NRG3: variants seen among roughly 807,000 people sequenced by gnomAD.
NRG3 encodes neuregulin 3.
In NRG3, 31 loss-of-function variants were observed where a neutral mutation model predicts 66.9. The ratio of observed to expected loss-of-function variants is 0.46; its 90% CI spans 0.35 to 0.63. The LOEUF (loss-of-function observed/expected upper bound fraction) is 0.63. Ranked by LOEUF, NRG3 falls within the 20% of genes least tolerant of loss-of-function variation. NRG3 has a pLI of 0.00. For missense variants in NRG3, 910 were observed against 878.9 expected (o/e 1.04, Z -0.45); for synonymous variants, 393 against 359.4 (o/e 1.09, Z -1.06).
intron 1 of NRG3, among the ~76,000 whole-genome samples, chr10:82,139,386 A>G (rs1395480338): frequency 1.3e-5 from 2 of 152,150 alleles, no homozygotes; most frequent in East Asian, 3.9e-4. Context: ...ATGCTTCAGT[A>G]TATTTGTGCT....
At chr10:82,151,040 A>C (rs982209196) in intron 1 of NRG3, among the ~76,000 whole-genome samples, 2 of 152,214 alleles carry the variant, frequency 1.3e-5, no homozygotes, top group Non-Finnish European at 2.9e-5. Context: ...CCTTGTGCAA[A>C]ATCTGGCAAA....
At chr10:82,061,097 A>T (rs1420593658) in intron 1 of NRG3, among the ~76,000 whole-genome samples, 1 of 152,216 alleles carries the variant, frequency 6.6e-6, no homozygotes, top group Non-Finnish European at 1.5e-5. Flanking sequence ...TTACGTCTGT[A>T]ATGCCAGCAC....
chr10:82,073,355 A>G (rs2064912387), intron 1 of NRG3, among the ~76,000 whole-genome samples: 1 of 152,126 alleles, frequency 6.6e-6, no homozygotes, highest in African/African-American at 2.4e-5. Context: ...ATTTGATGAC[A>G]CTCATAGTCT....
intron 3 of NRG3, among the ~76,000 whole-genome samples, chr10:82,857,706 C>CT (rs2063886722): frequency 6.6e-6 from 1 of 152,114 alleles, no homozygotes; most frequent in South Asian, 2.1e-4. Flanking sequence ...GTATCAATTT[C>CT]TTTTGATTAA....
intron 1 of NRG3, among the ~76,000 whole-genome samples, chr10:82,349,077 T>C (rs1202686138): frequency 6.6e-6 from 1 of 152,240 alleles, no homozygotes; most frequent in Non-Finnish European, 1.5e-5. Context: ...TCAAAGTCAT[T>C]CTCCATCCAG....
intron 4 of NRG3, among the ~76,000 whole-genome samples, chr10:82,866,289 G>T (rs1840729565): frequency 6.6e-6 from 1 of 152,044 alleles, no homozygotes; most frequent in South Asian, 2.1e-4. Flanking sequence ...CTTTATACAT[G>T]AATGTTTATT....
chr10:82,838,731 C>T (rs983459058), intron 3 of NRG3, among the ~76,000 whole-genome samples: 2 of 151,930 alleles, frequency 1.3e-5, no homozygotes, highest in African/African-American at 4.8e-5. Flanking sequence ...TATACATATA[C>T]ACACACACAT....
At chr10:82,345,846 C>A (rs1285760584) in intron 1 of NRG3, among the ~76,000 whole-genome samples, 1 of 151,100 alleles carries the variant, frequency 6.6e-6, no homozygotes, top group East Asian at 1.9e-4. Flanking sequence ...GGAGTTCACT[C>A]ATGATTTGGC....
intron 1 of NRG3, among the ~76,000 whole-genome samples, chr10:82,150,402 G>A (rs2070617929): frequency 6.6e-6 from 1 of 151,706 alleles, no homozygotes; most frequent in Admixed American, 6.6e-5. Context: ...TTGCTGAAGA[G>A]CATCCCCCCG....
At position 82,098,817 on chromosome 10, in the gene NRG3, G is replaced by A. The variant is rs199983398; in HGVS notation, c.823+222654G>A. Among the ~76,000 whole-genome samples the A allele has an allele frequency of 5.3e-5, 8 of 152,100 alleles. 1 individual carries two copies. In the East Asian group the frequency reaches 9.7e-4, roughly 18 times the overall value. ...CCTGTTCTGTCATCCAGGCTGGAGCGCAGTGGTGCGATCTCGGCTCACTGC... is the reference window on the plus strand; with the variant it reads ...CCTGTTCTGTCATCCAGGCTGGAGCACAGTGGTGCGATCTCGGCTCACTGC... On this transcript the variant is annotated intron_variant, in intron 1 of 8. Coordinates refer to ENST00000372141, the MANE Select transcript of NRG3 (RefSeq NM_001010848.4).
intron 1 of NRG3, among the ~76,000 whole-genome samples, chr10:82,206,351 C>G (rs745758785): frequency 3.6e-4 from 55 of 152,108 alleles, no homozygotes; most frequent in Non-Finnish European, 7.2e-4. Context: ...GTTTAATAGC[C>G]AGTTCTTTTC....
chr10:82,899,970 G>A (rs527877105), intron 4 of NRG3, among the ~76,000 whole-genome samples: 7 of 152,288 alleles, frequency 4.6e-5, no homozygotes, highest in African/African-American at 1.4e-4. Flanking sequence ...AAGAAAAGAG[G>A]TTTAATTAGC....
intron 2 of NRG3, among the ~76,000 whole-genome samples, chr10:82,542,856 A>G (rs1376165341): frequency 2.6e-5 from 4 of 152,040 alleles, no homozygotes; most frequent in Non-Finnish European, 5.9e-5. Context: ...TTGACATGAC[A>G]GGTAAATATA....
intron 1 of NRG3, among the ~76,000 whole-genome samples, chr10:81,902,441 C>T (rs1248189180): frequency 1.3e-5 from 2 of 152,036 alleles, no homozygotes; most frequent in African/African-American, 4.8e-5. Flanking sequence ...AGGGTGGAGC[C>T]TTCCTGATGA....
intron 3 of NRG3, among the ~76,000 whole-genome samples, chr10:82,863,818 C>A (rs1289495695): frequency 6.6e-6 from 1 of 152,146 alleles, no homozygotes; most frequent in African/African-American, 2.4e-5. Flanking sequence ...GCACTTATTA[C>A]AAAGAATGAC....
intron 1 of NRG3, among the ~76,000 whole-genome samples, chr10:82,203,250 G>A: frequency 6.6e-6 from 1 of 152,042 alleles, no homozygotes; most frequent in Non-Finnish European, 1.5e-5. Flanking sequence ...AGCTTGAGTT[G>A]GATTCTAATA....
At position 82,096,030 on chromosome 10, in the gene NRG3, A is replaced by G. The variant is rs115809422; in HGVS notation, c.823+219867A>G. On this transcript the variant is annotated intron_variant, in intron 1 of 8. Transcript: ENST00000372141. ...TCATGAAAGTGAAAATCTGGACAGC[A>G]TTGGCAAGACGAAAAGGAACAGAAT... is the stretch of plus-strand genomic sequence containing the variant. Among the ~76,000 whole-genome samples the G allele has an allele frequency of 3.2e-3, 485 of 152,336 alleles. 2 individuals carry two copies. The highest frequency in any genetic ancestry group is 0.011 in the African/African-American group (456 of 41,594).
intron 2 of NRG3, among the ~76,000 whole-genome samples, chr10:82,369,240 T>A (rs2084732579): frequency 7.2e-6 from 1 of 138,798 alleles, no homozygotes; most frequent in Non-Finnish European, 1.5e-5. Context: ...TCCTTTATTG[T>A]CCCAGTGGTT....
chr10:82,397,093 C>T (rs1255449852), intron 2 of NRG3, among the ~76,000 whole-genome samples: 3 of 152,138 alleles, frequency 2.0e-5, no homozygotes, highest in Non-Finnish European at 2.9e-5. Flanking sequence ...CAGCATGGGG[C>T]AATTGGTGTC....
Sources: allele counts gnomAD v4.1 joint callset (sites outside exome capture counted in the v4.1 genomes callset), GRCh38; gene constraint gnomAD v4.1.1; transcripts MANE v1.5; gene names NCBI Gene and HGNC (gene_info 2026-07-23, HGNC 2026-07-21).